Variants in CCDC150 observed in about 807,000 individuals in gnomAD.
The protein encoded by CCDC150 is coiled-coil domain containing 150, also known as coiled-coil domain-containing protein 150.
In CCDC150, 151 loss-of-function variants were observed where a neutral mutation model predicts 156.5. The ratio of observed to expected loss-of-function variants is 0.97; its 90% CI spans 0.85 to 1.10. The LOEUF (loss-of-function observed/expected upper bound fraction) is 1.10, where lower values mean the gene tolerates loss of function less well. CCDC150 is among the 50% of genes least tolerant of loss of function. The probability of loss-of-function intolerance (pLI) is 0.00; values close to 1 mark genes in which losing one functional copy is unlikely to be tolerated. For synonymous variants in CCDC150, 452 were observed against 429.4 expected (o/e 1.05, Z -0.65); for missense variants, 1,312 against 1,268.1 (o/e 1.03, Z -0.53).
chr2:196,639,796 C>G lies in CCDC150; in HGVS notation c.12+18C>G, dbSNP rs367774318. The stretch of plus-strand genomic sequence containing the variant: ...ACTGTAAGGTGAGGCTGCCGGGCCC[C>G]GGGCTGGTGAGGGGTGGTCGGAGGC... On this transcript the variant is annotated intron_variant, in intron 1 of 27. Coordinates refer to ENST00000389175, the MANE Select transcript of CCDC150 (RefSeq NM_001080539.2). 2 of 1,574,228 alleles carry G rather than the reference C, an allele frequency of 1.3e-6. No individual in the cohort carries two copies. The highest frequency in any genetic ancestry group is 1.7e-5 in the Admixed American group (1 of 58,126).
intron 13 of CCDC150, among the ~76,000 whole-genome samples, chr2:196,682,045 A>C (rs959773805): frequency 3.3e-5 from 5 of 152,056 alleles, no homozygotes; most frequent in African/African-American, 1.2e-4. Flanking sequence ...AAGATCATAT[A>C]GATTTATACC....
chr2:196,681,245 A>C (rs1448650719), intron 13 of CCDC150, among the ~76,000 whole-genome samples: 3 of 152,160 alleles, frequency 2.0e-5, no homozygotes, highest in African/African-American at 7.2e-5. Flanking sequence ...TTTACTTAGC[A>C]TGATGCTTTT....
chr2:196,676,801 G>A, intron 12 of CCDC150, 70 bp downstream of exon 12: 1 of 1,343,342 alleles, frequency 7.4e-7, no homozygotes, highest in Non-Finnish European at 1.0e-6. Context: ...CATTCTAAAT[G>A]CAAAAGACAA....
chr2:196,685,760 T>C (rs1044187004), intron 13 of CCDC150, among the ~76,000 whole-genome samples: 8 of 151,942 alleles, frequency 5.3e-5, no homozygotes, highest in African/African-American at 1.9e-4. Flanking sequence ...TACAGGCGCC[T>C]ACCACCACGC....
rs779236272 is a variant in CCDC150, at chr2:196,676,727, G to C, written c.1436G>C (p.Arg479Thr). ...SLLEEKERFQ[R>T]EVNKTEKEIV... is the part of the protein sequence containing the mutation. ...CTAGAGGAGAAAGAAAGATTTCAGA[G>C]GGAGGTAGGTAGAAGCAAATTTACA... Residue 479 changes from arginine (R) to threonine (T), a missense_variant, in exon 12 of 28, where the codon AGG becomes ACG. Arg to Thr is a moderately conservative substitution (Grantham distance 71). Transcript: ENST00000389175. 9 of 1,611,656 alleles carry C rather than the reference G, an allele frequency of 5.6e-6. No homozygotes were observed. The East Asian group carries it at 6.7e-5, about 12-fold the overall frequency.
At chr2:196,726,266 T>C in intron 22 of CCDC150, 167 bp downstream of exon 22, 1 of 673,738 alleles carries the variant, frequency 1.5e-6, no homozygotes, top group Non-Finnish European at 2.4e-6. Context: ...AAGAAAAAAG[T>C]TTCTGACATA....
chr2:196,720,815 G>A, intron 20 of CCDC150, 147 bp downstream of exon 20: 1 of 687,256 alleles, frequency 1.5e-6, no homozygotes, highest in Non-Finnish European at 2.4e-6. Context: ...TCTACAAATG[G>A]GAAATTGACC....
intron 19 of CCDC150, 103 bp from the exon 20 acceptor site, chr2:196,720,472 C>T: frequency 1.3e-6 from 1 of 789,818 alleles, no homozygotes; most frequent in East Asian, 2.7e-5. Context: ...AAGTATGATG[C>T]TATTTGAGCT....
chr2:196,657,291 A>G (rs1693264555), intron 4 of CCDC150, 155 bp downstream of exon 4: 1 of 695,212 alleles, frequency 1.4e-6, no homozygotes, highest in Non-Finnish European at 2.4e-6. Flanking sequence ...TTCTTGGCCT[A>G]TGACATTTGC....
At chr2:196,666,411 G>A (rs528032146) in intron 6 of CCDC150, among the ~76,000 whole-genome samples, 1 of 152,174 alleles carries the variant, frequency 6.6e-6, no homozygotes. Flanking sequence ...CAATATGGTA[G>A]CCATTAGCCA....
chr2:196,643,306 T>A lies in CCDC150; in HGVS notation c.13-3035T>A, dbSNP rs116785438. ...CTGGGCCAAGTTGGTTGCTCCTTTT[T>A]GAAAGTATATTTTCTCTATGGAAGC... On this transcript the variant is annotated intron_variant, in intron 1 of 27. Transcript: ENST00000389175. 5.4e-3 allele frequency among the ~76,000 whole-genome samples: 826 copies of A among 152,328 alleles called. 1 individual carries two copies. Among genetic ancestry groups the A allele is most frequent in the Non-Finnish European group, 9.1e-3 (620 of 68,036 alleles).
intron 13 of CCDC150, among the ~76,000 whole-genome samples, chr2:196,694,689 CCGTTTCTACT>C (rs1306621962): frequency 2.0e-5 from 3 of 151,918 alleles, no homozygotes; most frequent in Admixed American, 6.6e-5. Context: ...TGATGAAACC[CCGTTTCTACT>C]AAAAATACAA....
intron 22 of CCDC150, chr2:196,726,366 T>C (rs1214334379): frequency 3.4e-6 from 1 of 292,852 alleles, no homozygotes; most frequent in Admixed American, 4.1e-5. Context: ...GAGACTGCCA[T>C]TTGATAGACA....
At chr2:196,665,804 G>A in intron 6 of CCDC150, 121 bp downstream of exon 6, 1 of 546,768 alleles carries the variant, frequency 1.8e-6, no homozygotes, top group Non-Finnish European at 3.1e-6. Context: ...TTTACTTTTT[G>A]TTAGCAATAT....
At chr2:196,643,914 T>G (rs940185539) in intron 1 of CCDC150, among the ~76,000 whole-genome samples, 10 of 152,198 alleles carry the variant, frequency 6.6e-5, no homozygotes, top group African/African-American at 2.4e-4. Flanking sequence ...AAGCAGAGTT[T>G]GAAGATTACT....
chr2:196,701,999 G>A (rs1337778162), intron 15 of CCDC150, among the ~76,000 whole-genome samples: 1 of 152,144 alleles, frequency 6.6e-6, no homozygotes, highest in East Asian at 1.9e-4. Context: ...GGTGGCTGAG[G>A]CAGGAGAATG....
chr2:196,676,210 G>C lies in CCDC150; in HGVS notation c.1205G>C (p.Ser402Thr), dbSNP rs1049158909. 2.5e-6 allele frequency: 4 copies of C among 1,613,572 alleles called. No homozygotes were observed. The highest frequency in any genetic ancestry group is 1.7e-5 in the Admixed American group (1 of 60,014). ...QNLLLDAAHA[S>T]ITNELQTVQN... ...TTATTGCTGGATGCAGCCCATGCCA[G>C]TATCACAAATGAACTACAGACTGTT... Residue 402 changes from serine (S) to threonine (T), a missense_variant, in exon 11 of 28, where the codon AGT (serine) becomes ACT (threonine). Transcript: ENST00000389175.
intron 17 of CCDC150, chr2:196,713,665 TTTTC>T: frequency 7.1e-7 from 1 of 1,409,368 alleles, no homozygotes; most frequent in Non-Finnish European, 9.3e-7. Context: ...AATCACCAAA[TTTTC>T]TTAAACAGGA....
intron 4 of CCDC150, 72 bp downstream of exon 4, chr2:196,657,208 C>T (rs563474006): frequency 9.9e-5 from 142 of 1,434,696 alleles, no homozygotes; most frequent in Middle Eastern, 1.8e-4. Flanking sequence ...AGACCTATGA[C>T]GCGACTTTTA....
Sources: allele counts gnomAD v4.1 joint callset (sites outside exome capture counted in the v4.1 genomes callset), GRCh38; gene constraint gnomAD v4.1.1; transcripts MANE v1.5; gene names NCBI Gene and HGNC (gene_info 2026-07-23, HGNC 2026-07-21).